SPAG16: variants seen among roughly 807,000 people sequenced by gnomAD.
SPAG16 encodes the protein sperm-associated antigen 16 protein.
Under a neutral mutation model 80.4 loss-of-function variants are expected in SPAG16, and 86 were observed. That is an observed-to-expected ratio of 1.07 (90% confidence interval 0.90 to 1.28). The LOEUF is 1.28. Ranked by LOEUF, SPAG16 falls within the 50% of genes most tolerant of loss-of-function variation. The probability of loss-of-function intolerance (pLI) is 0.00; values close to 1 mark genes in which losing one functional copy is unlikely to be tolerated. For synonymous variants in SPAG16, 294 were observed against 265.9 expected (o/e 1.11, Z -1.03); for missense variants, 870 against 765.3 (o/e 1.14, Z -1.61).
chr2:214,181,697 A>G (rs1050732632), intron 15 of SPAG16, among the ~76,000 whole-genome samples: 2 of 151,846 alleles, frequency 1.3e-5, no homozygotes, highest in African/African-American at 2.4e-5. Flanking sequence ...GAGTCTTGCA[A>G]TTCTCTGCCA....
intron 10 of SPAG16, among the ~76,000 whole-genome samples, chr2:213,574,666 GAT>G (rs59916166): frequency 0.027 from 3,949 of 146,494 alleles, 76 homozygotes; most frequent in African/African-American, 0.05. Flanking sequence ...TATGATATAT[GAT>G]ATATATATGA....
intron 15 of SPAG16, among the ~76,000 whole-genome samples, chr2:214,219,715 A>C (rs113110533): frequency 0.022 from 3,344 of 152,190 alleles, 76 homozygotes; most frequent in African/African-American, 0.056. Flanking sequence ...AAAGTCTCCA[A>C]ATTCTTAGAA....
intron 9 of SPAG16, among the ~76,000 whole-genome samples, chr2:213,384,884 G>A (rs2067346706): frequency 6.6e-6 from 1 of 152,052 alleles, no homozygotes; most frequent in South Asian, 2.1e-4. Context: ...GCGTTCTATG[G>A]TTCAGGATAT....
chr2:213,440,592 A>C (rs993861037), intron 9 of SPAG16, among the ~76,000 whole-genome samples: 1 of 151,570 alleles, frequency 6.6e-6, no homozygotes, highest in African/African-American at 2.4e-5. Flanking sequence ...ACAAATAGTC[A>C]ATGTAACAGA....
intron 10 of SPAG16, among the ~76,000 whole-genome samples, chr2:213,767,397 G>A (rs2068992198): frequency 1.3e-5 from 2 of 152,288 alleles, no homozygotes; most frequent in South Asian, 4.1e-4. Flanking sequence ...GCTGGGTGCA[G>A]TGGCTCACAC....
At chr2:213,453,254 T>C (rs1428649656) in intron 9 of SPAG16, among the ~76,000 whole-genome samples, 1 of 152,226 alleles carries the variant, frequency 6.6e-6, no homozygotes, top group East Asian at 1.9e-4. Flanking sequence ...TCCATTGTTT[T>C]TTCTCTAACC....
chr2:213,827,745 G>A (rs2073389053), intron 10 of SPAG16, among the ~76,000 whole-genome samples: 1 of 151,830 alleles, frequency 6.6e-6, no homozygotes, highest in South Asian at 2.1e-4. Flanking sequence ...GTCTGGGAAA[G>A]TCTTTATTTT....
intron 9 of SPAG16, among the ~76,000 whole-genome samples, chr2:213,443,719 T>C (rs187426946): frequency 2.5e-4 from 38 of 152,246 alleles, no homozygotes; most frequent in Admixed American, 2.3e-3. Context: ...TTGTTTTAGT[T>C]TATTTATTTT....
At chr2:213,583,701 G>GA (rs1013715893) in intron 10 of SPAG16, among the ~76,000 whole-genome samples, 25 of 151,978 alleles carry the variant, frequency 1.6e-4, no homozygotes, top group Non-Finnish European at 3.5e-4. Context: ...CTTTTGTAAA[G>GA]AAAAAAAGCA....
At chr2:213,551,735 T>G (rs889624308) in intron 10 of SPAG16, among the ~76,000 whole-genome samples, 1 of 152,178 alleles carries the variant, frequency 6.6e-6, no homozygotes, top group African/African-American at 2.4e-5. Context: ...CACTTTCTTT[T>G]CTGTGGTTGT....
At chr2:213,967,133 T>C (rs1459179782) in intron 12 of SPAG16, among the ~76,000 whole-genome samples, 1 of 152,236 alleles carries the variant, frequency 6.6e-6, no homozygotes, top group East Asian at 1.9e-4. Flanking sequence ...CATGAGAAAC[T>C]GTTATATTCA....
At position 214,141,461 on chromosome 2, in the gene SPAG16, G is replaced by A. The variant is rs567510372; in HGVS notation, c.1594-7679G>A. On this transcript the variant is annotated intron_variant, in intron 14 of 15. Coordinates refer to ENST00000331683, the MANE Select transcript of SPAG16 (RefSeq NM_024532.5). Reference sequence around the variant, plus strand: ...CAGCCCGGGTGACAGAGTGAGACTCGGCCTCAAAAAAAAAAAAACCAAAAA... The same window carrying A: ...CAGCCCGGGTGACAGAGTGAGACTCAGCCTCAAAAAAAAAAAAACCAAAAA... Among the ~76,000 whole-genome samples the A allele has an allele frequency of 1.0e-4, 13 of 125,014 alleles. 1 individual carries two copies. In the South Asian group the frequency reaches 2.4e-3, roughly 23 times the overall value. The allele number at this position is 125,014 out of a possible 152,430, so 82.0% of individuals were successfully genotyped here. A position where few individuals can be genotyped will look rare whatever the true frequency, so the allele number is the denominator to read the frequency against.
intron 10 of SPAG16, among the ~76,000 whole-genome samples, chr2:213,787,361 G>T (rs954888965): frequency 6.6e-6 from 1 of 152,048 alleles, no homozygotes; most frequent in Non-Finnish European, 1.5e-5. Flanking sequence ...TAGACCAAGA[G>T]CTACTAAGCT....
Position 213,364,154 on chromosome 2 carries a change from A to G in SPAG16, c.832+9A>G, listed in dbSNP as rs200726046. On this transcript the variant is annotated intron_variant, in intron 8 of 15. Coordinates refer to ENST00000331683, the MANE Select transcript of SPAG16 (RefSeq NM_024532.5). ...TGGTCCTCAAATTAAAGGTAAATGT[A>G]AAATGTGATGAAGCTCTCATTTAAT... 109 of 1,471,978 alleles carry G rather than the reference A, an allele frequency of 7.4e-5. No individual in the cohort carries two copies. Among genetic ancestry groups the G allele is most frequent in the Non-Finnish European group, 9.4e-5 (104 of 1,100,920 alleles). 91.2% of individuals were successfully genotyped at this position (1,471,978 alleles called of 1,614,324 possible). A position where few individuals can be genotyped will look rare whatever the true frequency, so the allele number is the denominator to read the frequency against.
intron 10 of SPAG16, among the ~76,000 whole-genome samples, chr2:213,682,032 CTT>C (rs1171892725): frequency 2.0e-5 from 3 of 152,290 alleles, no homozygotes; most frequent in African/African-American, 7.2e-5. Context: ...CAGAATCTCT[CTT>C]TGTCAGTCCC....
intron 15 of SPAG16, among the ~76,000 whole-genome samples, chr2:214,173,209 T>C (rs1033326382): frequency 1.3e-5 from 2 of 152,156 alleles, no homozygotes; most frequent in Non-Finnish European, 2.9e-5. Context: ...TAGGTTTTCT[T>C]CTAGGGTTTT....
At chr2:213,971,951 A>G (rs2045088034) in intron 12 of SPAG16, among the ~76,000 whole-genome samples, 1 of 150,762 alleles carries the variant, frequency 6.6e-6, no homozygotes, top group African/African-American at 2.4e-5. Context: ...TGTGTTTTCA[A>G]TTTTAGTTTT....
chr2:213,928,744 A>G (rs1214994930), intron 11 of SPAG16, among the ~76,000 whole-genome samples: 1 of 152,220 alleles, frequency 6.6e-6, no homozygotes, highest in Non-Finnish European at 1.5e-5. Context: ...ATGAAATGCA[A>G]TTCTCCATCA....
At chr2:213,897,682 C>T (rs1469070020) in intron 11 of SPAG16, among the ~76,000 whole-genome samples, 2 of 152,136 alleles carry the variant, frequency 1.3e-5, no homozygotes, top group South Asian at 2.1e-4. Context: ...GAGCTCATCA[C>T]ACGCGGTGCT....
Sources: allele counts gnomAD v4.1 joint callset (sites outside exome capture counted in the v4.1 genomes callset), GRCh38; gene constraint gnomAD v4.1.1; transcripts MANE v1.5; gene names NCBI Gene and HGNC (gene_info 2026-07-23, HGNC 2026-07-21).